GALNTL6: variants seen among roughly 807,000 people sequenced by gnomAD.
The protein encoded by GALNTL6 is polypeptide N-acetylgalactosaminyltransferase-like 6.
Under a neutral mutation model 73.7 loss-of-function variants are expected in GALNTL6, and 46 were observed. That is an observed-to-expected ratio of 0.62 (90% confidence interval 0.49 to 0.80). The LOEUF (loss-of-function observed/expected upper bound fraction) is 0.80. Among genes scored for constraint, GALNTL6 ranks in the 30% least tolerant of loss-of-function variants. The pLI, the probability that GALNTL6 is intolerant of heterozygous loss-of-function variation, is 0.00. For synonymous variants in GALNTL6, 259 were observed against 263.7 expected, an observed-to-expected ratio of 0.98 and a Z score of 0.17; for missense variants, 604 against 755.0, an observed-to-expected ratio of 0.80 and a Z score of 2.34.
At chr4:172,382,652 C>T (rs1000376497) in intron 5 of GALNTL6, among the ~76,000 whole-genome samples, 2 of 151,954 alleles carry the variant, frequency 1.3e-5, no homozygotes, top group Non-Finnish European at 2.9e-5. Context: ...GGTGTTATGT[C>T]TAAAAAACCA....
chr4:171,934,816 C>G (rs923872456), intron 2 of GALNTL6, among the ~76,000 whole-genome samples: 1 of 152,172 alleles, frequency 6.6e-6, no homozygotes, highest in African/African-American at 2.4e-5. Context: ...GTTTTTCTTC[C>G]TATATTCCTG....
intron 5 of GALNTL6, among the ~76,000 whole-genome samples, chr4:172,550,845 G>A (rs899865394): frequency 6.6e-6 from 1 of 152,116 alleles, no homozygotes; most frequent in Non-Finnish European, 1.5e-5. Flanking sequence ...GTTTTTTCAA[G>A]AATAGTGGTT....
chr4:172,646,057 G>A (rs538823059), intron 5 of GALNTL6, among the ~76,000 whole-genome samples: 2 of 152,040 alleles, frequency 1.3e-5, no homozygotes, highest in East Asian at 3.9e-4. Context: ...GTCATATTTG[G>A]GAGTGGCATG....
chr4:172,889,521 CTTTGT>C (rs1745907702), intron 8 of GALNTL6, among the ~76,000 whole-genome samples: 1 of 151,992 alleles, frequency 6.6e-6, no homozygotes, highest in Non-Finnish European at 1.5e-5. Context: ...ATTATATGGG[CTTTGT>C]TTTTAATTCT....
rs565532020 is a variant in GALNTL6 at position 172,233,231 on chromosome 4, C to T, written c.247+3467C>T. Among the ~76,000 whole-genome samples, 132 of 151,320 alleles carry T rather than the reference C, an allele frequency of 8.7e-4. 1 individual carries two copies. The highest frequency in any genetic ancestry group is 2.9e-3 in the African/African-American group (118 of 41,238). On this transcript the variant is annotated intron_variant, in intron 3 of 12. Coordinates refer to ENST00000506823, the MANE Select transcript of GALNTL6 (RefSeq NM_001034845.3). ...AAAAAAAAAAAAAAAAAAATTCATC[C>T]GGGCATGGTGACATGTGCCTGTGGT...
intron 5 of GALNTL6, among the ~76,000 whole-genome samples, chr4:172,420,477 T>C (rs1731012072): frequency 6.6e-6 from 1 of 152,288 alleles, no homozygotes; most frequent in African/African-American, 2.4e-5. Context: ...AGTGATTTAG[T>C]ATGAATGTAA....
At chr4:171,992,452 A>G (rs888616853) in intron 2 of GALNTL6, among the ~76,000 whole-genome samples, 3 of 152,164 alleles carry the variant, frequency 2.0e-5, no homozygotes, top group Non-Finnish European at 2.9e-5. Context: ...TTATGGGACC[A>G]GTGCAGAACA....
chr4:172,582,275 A>G (rs2110976176), intron 5 of GALNTL6, among the ~76,000 whole-genome samples: 1 of 152,328 alleles, frequency 6.6e-6, no homozygotes. Flanking sequence ...TGCTCACTTA[A>G]TAACTATGTG....
chr4:171,823,852 G>A (rs941294794), intron 2 of GALNTL6, among the ~76,000 whole-genome samples: 5 of 150,894 alleles, frequency 3.3e-5, no homozygotes, highest in Admixed American at 6.6e-5. Flanking sequence ...AGTAAGTGGG[G>A]ATAGATGGGT....
At chr4:172,816,687 A>G (rs1553991786) in intron 7 of GALNTL6, among the ~76,000 whole-genome samples, 1 of 152,198 alleles carries the variant, frequency 6.6e-6, no homozygotes, top group Non-Finnish European at 1.5e-5. Context: ...TTAAGAAAAT[A>G]TTTACTGATA....
At chr4:172,382,205 G>A (rs1048455101) in intron 5 of GALNTL6, among the ~76,000 whole-genome samples, 1 of 151,960 alleles carries the variant, frequency 6.6e-6, no homozygotes, top group Non-Finnish European at 1.5e-5. Flanking sequence ...CTAACTTCAG[G>A]TGATCCACCT....
At chr4:172,357,925 G>A (rs947493145) in intron 5 of GALNTL6, among the ~76,000 whole-genome samples, 2 of 152,050 alleles carry the variant, frequency 1.3e-5, no homozygotes, top group African/African-American at 4.8e-5. Flanking sequence ...CACATTTTGA[G>A]TTTGAAATAA....
At chr4:172,134,257 C>T (rs891835806) in intron 2 of GALNTL6, among the ~76,000 whole-genome samples, 25 of 151,696 alleles carry the variant, frequency 1.6e-4, no homozygotes, top group Non-Finnish European at 2.8e-4. Context: ...TGGTGGCGGG[C>T]GCCTGTAGTC....
intron 2 of GALNTL6, among the ~76,000 whole-genome samples, chr4:172,112,863 T>A (rs112117352): frequency 2.0e-5 from 3 of 152,018 alleles, no homozygotes; most frequent in African/African-American, 7.2e-5. Flanking sequence ...AGCCAAAAGA[T>A]ACTGTGCATG....
At chr4:172,888,891 G>A (rs981191167) in intron 8 of GALNTL6, among the ~76,000 whole-genome samples, 10 of 152,030 alleles carry the variant, frequency 6.6e-5, no homozygotes, top group Admixed American at 5.9e-4. Context: ...CAATCCATGA[G>A]CATGGAAATT....
chr4:172,481,423 G>A (rs536356501), intron 5 of GALNTL6, among the ~76,000 whole-genome samples: 1 of 140,060 alleles, frequency 7.1e-6, no homozygotes, highest in East Asian at 2.4e-4. Flanking sequence ...AGGGGACCAG[G>A]GTTGTCTCTG....
chr4:171,938,722 ATAT>A (rs2111008702), intron 2 of GALNTL6, among the ~76,000 whole-genome samples: 1 of 152,308 alleles, frequency 6.6e-6, no homozygotes, highest in Non-Finnish European at 1.5e-5. Context: ...AATAGCACAA[ATAT>A]TATTAACTCC....
At chr4:172,963,686 C>T (rs1750190565) in intron 10 of GALNTL6, among the ~76,000 whole-genome samples, 2 of 152,216 alleles carry the variant, frequency 1.3e-5, no homozygotes, top group African/African-American at 2.4e-5. Flanking sequence ...GACAGTCACT[C>T]CCTCCATGGC....
At chr4:172,912,342 G>T (rs1292648616) in intron 8 of GALNTL6, among the ~76,000 whole-genome samples, 9 of 152,194 alleles carry the variant, frequency 5.9e-5, no homozygotes, top group Non-Finnish European at 1.3e-4. Context: ...TCCAACTGAG[G>T]TACCAGATTC....
Sources: allele counts gnomAD v4.1 joint callset (sites outside exome capture counted in the v4.1 genomes callset), GRCh38; gene constraint gnomAD v4.1.1; transcripts MANE v1.5; gene names NCBI Gene and HGNC (gene_info 2026-07-23, HGNC 2026-07-21).